Variants in RALYL observed in about 807,000 individuals in gnomAD.
RALYL encodes RNA-binding Raly-like protein.
In RALYL, 29 loss-of-function variants were observed where a neutral mutation model predicts 35.1. The ratio of observed to expected loss-of-function variants is 0.83; its 90% CI spans 0.61 to 1.13. The LOEUF is 1.13. Ranked by LOEUF, RALYL falls within the 50% of genes most tolerant of loss-of-function variation. The pLI is 0.00. For missense variants in RALYL, 359 were observed against 360.4 expected (o/e 1.00, Z 0.03); for synonymous variants, 120 against 127.6 (o/e 0.94, Z 0.40).
At position 84,628,660 on chromosome 8, in the gene RALYL, T is replaced by C. The variant is rs1356767328; in HGVS notation, c.256+99083T>C. 2.6e-5 allele frequency among the ~76,000 whole-genome samples: 4 copies of C among 151,840 alleles called. No homozygotes were observed. The East Asian group carries it at 5.8e-4, about 22-fold the overall frequency. On this transcript the variant is annotated intron_variant, in intron 2 of 8. Transcript: ENST00000521268. ...TGTTGAGAAATATCGGGGGATAGAG[T>C]GCTGATGGGGAGGACCATCACGGTA...
intron 1 of RALYL, among the ~76,000 whole-genome samples, chr8:84,528,617 C>T (rs1356944035): frequency 6.6e-6 from 1 of 151,902 alleles, no homozygotes; most frequent in East Asian, 1.9e-4. Flanking sequence ...AACACTGGCT[C>T]TTATGTTTTG....
At chr8:84,713,688 A>AT (rs1392469580) in intron 2 of RALYL, among the ~76,000 whole-genome samples, 2 of 151,846 alleles carry the variant, frequency 1.3e-5, no homozygotes, top group Non-Finnish European at 2.9e-5. Context: ...TCCTCATAAA[A>AT]TAAAAATAGA....
chr8:84,842,910 T>C (rs1321204823), intron 4 of RALYL, among the ~76,000 whole-genome samples: 2 of 152,132 alleles, frequency 1.3e-5, no homozygotes, highest in Non-Finnish European at 2.9e-5. Context: ...TTTGACAAAA[T>C]TCAACAACCC....
chr8:84,646,108 T>C (rs1313576264), intron 2 of RALYL, among the ~76,000 whole-genome samples: 29 of 151,972 alleles, frequency 1.9e-4, no homozygotes, highest in Admixed American at 1.9e-3. Context: ...GCTCCAGATA[T>C]GCAAATCTCG....
chr8:84,199,699 C>T (rs1191221070), intron 1 of RALYL, among the ~76,000 whole-genome samples: 2 of 152,118 alleles, frequency 1.3e-5, no homozygotes, highest in African/African-American at 4.8e-5. Context: ...TGTCTAGTTT[C>T]ATTCTTCTGC....
intron 2 of RALYL, among the ~76,000 whole-genome samples, chr8:84,677,961 C>A (rs1834550665): frequency 6.6e-6 from 1 of 152,078 alleles, no homozygotes; most frequent in Non-Finnish European, 1.5e-5. Context: ...GGAGGTTGAA[C>A]TTCTCTGGAG....
intron 1 of RALYL, among the ~76,000 whole-genome samples, chr8:84,500,047 G>A (rs1383995601): frequency 6.6e-6 from 1 of 152,134 alleles, no homozygotes; most frequent in Non-Finnish European, 1.5e-5. Flanking sequence ...ATGAGCCACT[G>A]TGCCTGGAGT....
At chr8:84,572,866 CT>C (rs201190257) in intron 2 of RALYL, among the ~76,000 whole-genome samples, 2,723 of 151,190 alleles carry the variant, frequency 0.018, 84 homozygotes, top group Non-Finnish European at 0.023. Flanking sequence ...GTTCTATTTC[CT>C]TTTTTTTCCC....
intron 2 of RALYL, among the ~76,000 whole-genome samples, chr8:84,692,218 C>T (rs879519116): frequency 2.8e-4 from 43 of 151,878 alleles, no homozygotes; most frequent in Non-Finnish European, 4.3e-4. Flanking sequence ...TAGTATTACA[C>T]TAGATGTCAT....
rs574244400 is a variant in RALYL at position 84,389,079 on chromosome 8, G to C, written c.-23-140220G>C. ...TATATGTGGCTAGCCAGTTTTCCCA[G>C]CACCATTTATTAAATAGGGAATCCT... On this transcript the variant is annotated intron_variant, in intron 1 of 8. Transcript: ENST00000521268. 1.2e-4 allele frequency among the ~76,000 whole-genome samples: 19 copies of C among 152,164 alleles called. 2 individuals are homozygous for C. The South Asian group carries it at 3.3e-3, about 27-fold the overall frequency.
chr8:84,645,454 A>G (rs1028403562), intron 2 of RALYL, among the ~76,000 whole-genome samples: 4 of 151,980 alleles, frequency 2.6e-5, no homozygotes, highest in Non-Finnish European at 5.9e-5. Context: ...TTTAATTGGT[A>G]TCTTTCAAAT....
intron 7 of RALYL, among the ~76,000 whole-genome samples, 161 bp downstream of exon 7, chr8:84,873,558 G>C (rs959290235): frequency 6.6e-6 from 1 of 151,942 alleles, no homozygotes; most frequent in Non-Finnish European, 1.5e-5. Context: ...AATAAAATGT[G>C]ATTTTTTTTC....
At chr8:84,447,389 G>A (rs760379787) in intron 1 of RALYL, among the ~76,000 whole-genome samples, 8 of 151,920 alleles carry the variant, frequency 5.3e-5, no homozygotes, top group Non-Finnish European at 1.2e-4. Flanking sequence ...ACCTAAATGC[G>A]TGGCCTGCTT....
chr8:84,580,489 A>G (rs1295058126), intron 2 of RALYL, among the ~76,000 whole-genome samples: 1 of 152,156 alleles, frequency 6.6e-6, no homozygotes, highest in African/African-American at 2.4e-5. Flanking sequence ...GCTATTTTAA[A>G]CAACCAGCTC....
At chr8:84,625,212 C>G (rs1027817206) in intron 2 of RALYL, among the ~76,000 whole-genome samples, 1 of 152,198 alleles carries the variant, frequency 6.6e-6, no homozygotes. Context: ...GAAACAATCT[C>G]TACCCTAATG....
chr8:84,185,278 A>G, intron 1 of RALYL: 1 of 526,686 alleles, frequency 1.9e-6, no homozygotes, highest in Non-Finnish European at 3.4e-6. Flanking sequence ...AAAGGGGCAG[A>G]GTTTTCCCTC....
chr8:84,425,703 C>G (rs569580968), intron 1 of RALYL, among the ~76,000 whole-genome samples: 3 of 152,186 alleles, frequency 2.0e-5, no homozygotes, highest in Admixed American at 6.5e-5. Flanking sequence ...GATTGTCACT[C>G]CAGAGACCCT....
intron 7 of RALYL, among the ~76,000 whole-genome samples, chr8:84,874,672 A>G (rs532675638): frequency 2.0e-5 from 3 of 152,330 alleles, no homozygotes; most frequent in African/African-American, 7.2e-5. Flanking sequence ...AATGAAAAGA[A>G]GCACATGTGA....
chr8:84,340,299 A>C (rs1848575464), intron 1 of RALYL, among the ~76,000 whole-genome samples: 1 of 152,134 alleles, frequency 6.6e-6, no homozygotes, highest in South Asian at 2.1e-4. Context: ...GTAAGAACAC[A>C]GTGTAAGATC....
Sources: gnomAD v4.1 joint callset for allele counts (sites outside exome capture counted in the v4.1 genomes callset) on GRCh38, gnomAD v4.1.1 for gene constraint, MANE v1.5 for transcripts, NCBI Gene and HGNC (gene_info 2026-07-23, HGNC 2026-07-21) for gene names.